Variants in GOLGA1 observed in about 807,000 individuals in gnomAD.
GOLGA1 encodes golgin subfamily A member 1.
GOLGA1 carries 63 observed loss-of-function variants against 119.7 expected under a neutral mutation model. The observed-to-expected ratio is 0.53, with a 90% confidence interval of 0.43 to 0.65. The LOEUF (loss-of-function observed/expected upper bound fraction) is 0.65. Among genes scored for constraint, GOLGA1 ranks in the 30% least tolerant of loss-of-function variants. GOLGA1 has a pLI of 0.00. For missense variants in GOLGA1, 798 were observed against 912.8 expected (o/e 0.87, Z 1.62); for synonymous variants, 318 against 333.4 (o/e 0.95, Z 0.50).
chr9:124,900,136 G>A (rs1036878355), intron 13 of GOLGA1: 14 of 245,846 alleles, frequency 5.7e-5, no homozygotes, highest in South Asian at 2.8e-4. Flanking sequence ...TGTTCTCCCC[G>A]CCCCTGATTG....
chr9:124,880,690 G>C (rs566469780), intron 22 of GOLGA1, 80 bp from the exon 23 acceptor site: 2 of 859,636 alleles, frequency 2.3e-6, no homozygotes, highest in Non-Finnish European at 2.0e-6. Flanking sequence ...CTCCCCTCCC[G>C]TGAGCCTGTC....
At chr9:124,889,330 A>G (rs1196843524) in intron 17 of GOLGA1, 27 bp from the exon 18 acceptor site, 1 of 1,611,050 alleles carries the variant, frequency 6.2e-7, no homozygotes, top group Non-Finnish European at 8.5e-7. Flanking sequence ...GGGAGGGGGC[A>G]CTGTGAGCCC....
chr9:124,895,100 G>GA (rs1829936931), intron 15 of GOLGA1, among the ~76,000 whole-genome samples: 1 of 143,028 alleles, frequency 7.0e-6, no homozygotes, highest in African/African-American at 2.7e-5. Flanking sequence ...CCACAACAGA[G>GA]ACCCTCCACA....
intron 11 of GOLGA1, among the ~76,000 whole-genome samples, chr9:124,910,641 A>G (rs143202162): frequency 1.3e-5 from 2 of 152,250 alleles, no homozygotes; most frequent in South Asian, 2.1e-4. Context: ...GGGGTCCCCA[A>G]CCCTTGGGCC....
intron 7 of GOLGA1, among the ~76,000 whole-genome samples, chr9:124,923,430 C>A (rs1830609875): frequency 1.3e-5 from 2 of 152,102 alleles, no homozygotes; most frequent in African/African-American, 4.8e-5. Context: ...AGCCACCACA[C>A]CCGGCCTGAA....
chr9:124,937,792 C>T (rs2131541913), intron 3 of GOLGA1, among the ~76,000 whole-genome samples: 1 of 151,972 alleles, frequency 6.6e-6, no homozygotes, highest in South Asian at 2.1e-4. Context: ...TAATAAGAAA[C>T]ATATTGTAGG....
chr9:124,929,190 G>A, intron 5 of GOLGA1, 26 bp downstream of exon 5: 2 of 1,409,810 alleles, frequency 1.4e-6, no homozygotes, highest in Non-Finnish European at 2.0e-6. Context: ...TGAAAAGATT[G>A]AAAAAAGCAG....
Position 124,896,063 on chromosome 9 carries a change from A to C in GOLGA1, c.1407+2486T>G, listed in dbSNP as rs577384942. On this transcript the variant is annotated intron_variant, in intron 15 of 22. Coordinates refer to ENST00000373555, the MANE Select transcript of GOLGA1 (RefSeq NM_002077.4). Reference sequence around the variant, plus strand: ...AGGTGGAGAAACTCTGAGTTATACAAACCAAACCTAGGTGTCATCTACAAT... The same window carrying C: ...AGGTGGAGAAACTCTGAGTTATACACACCAAACCTAGGTGTCATCTACAAT... 6.6e-5 allele frequency among the ~76,000 whole-genome samples: 10 copies of C among 152,366 alleles called. 1 individual carries two copies. The highest frequency in any genetic ancestry group is 2.4e-4 in the African/African-American group (10 of 41,592).
At position 124,880,549 on chromosome 9, in the gene GOLGA1, G is replaced by C. The variant is rs1829551471; in HGVS notation, c.2285C>G (p.Pro762Arg). The change falls in exon 23 of 23, where the codon CCT (proline) becomes CGT (arginine). Residue 762 changes from proline to arginine, a missense_variant. Transcript: ENST00000373555. ...TCCCCTCTAGGACCATGGTATCCGA[G>C]GGTTTGAGATAGACGGCCGGATGCT... ...KGSIRPSISNPRIPWS is the reference protein window; with the variant it reads ...KGSIRPSISNRRIPWS The C allele has an allele frequency of 6.2e-7, 1 of 1,605,132 alleles. No individual in the cohort carries two copies. The highest frequency in any genetic ancestry group is 1.3e-5 in the African/African-American group (1 of 74,858).
Position 124,938,846 on chromosome 9 carries a change from G to A in GOLGA1, c.-135C>T. ...GCATTCCCACTTAAATGTGGGCCAA[G>A]GGCTTATGGCAACACAGGATCTACA... On this transcript the variant is annotated 5_prime_UTR_variant, in exon 3 of 23. Coordinates refer to ENST00000373555, the MANE Select transcript of GOLGA1 (RefSeq NM_002077.4). 1 of 627,570 alleles carries A rather than the reference G, an allele frequency of 1.6e-6. No individual in the cohort carries two copies. The highest frequency in any genetic ancestry group is 2.4e-5 in the South Asian group (1 of 40,854). 38.9% of individuals were successfully genotyped at this position (627,570 alleles called of 1,614,324 possible).
intron 3 of GOLGA1, among the ~76,000 whole-genome samples, 190 bp from the exon 4 acceptor site, chr9:124,931,596 G>C: frequency 6.6e-6 from 1 of 152,310 alleles, no homozygotes; most frequent in East Asian, 1.9e-4. Context: ...GTGAAGGAGA[G>C]AGGAGATGCT....
intron 15 of GOLGA1, among the ~76,000 whole-genome samples, chr9:124,895,710 C>G (rs1030232510): frequency 1.3e-5 from 2 of 151,542 alleles, no homozygotes; most frequent in African/African-American, 2.4e-5. Context: ...CAACACAGAA[C>G]CCTCCACAAC....
At chr9:124,890,676 C>T (rs565867185) in intron 15 of GOLGA1, among the ~76,000 whole-genome samples, 198 bp from the exon 16 acceptor site, 3 of 152,106 alleles carry the variant, frequency 2.0e-5, no homozygotes, top group Non-Finnish European at 4.4e-5. Context: ...GGCAACCCAC[C>T]GACTTCTCTG....
In GOLGA1 at chr9:124,908,355, A is replaced by G. The variant is rs1830272616; in HGVS notation, c.1065+22T>C. ...CCAGGTTACCACCCAAACTTAGGAA[A>G]CACCAGGAGTAAGGTCAGTACCCGA... is the stretch of plus-strand genomic sequence containing the variant. On this transcript the variant is annotated intron_variant, in intron 12 of 22. Coordinates refer to ENST00000373555, the MANE Select transcript of GOLGA1 (RefSeq NM_002077.4). The G allele has an allele frequency of 3.0e-6, 4 of 1,327,588 alleles. No homozygotes were observed. The East Asian group carries it at 9.2e-5, about 30-fold the overall frequency. The allele number at this position is 1,327,588 out of a possible 1,614,324, so 82.2% of individuals were successfully genotyped here.
At chr9:124,918,573 G>C (rs1479341826) in intron 10 of GOLGA1, among the ~76,000 whole-genome samples, 1 of 152,074 alleles carries the variant, frequency 6.6e-6, no homozygotes, top group Non-Finnish European at 1.5e-5. Flanking sequence ...AGACCAGCCT[G>C]GCCAACATGG....
intron 12 of GOLGA1, among the ~76,000 whole-genome samples, chr9:124,901,200 T>C (rs1259445125): frequency 6.6e-6 from 1 of 151,890 alleles, no homozygotes; most frequent in Non-Finnish European, 1.5e-5. Context: ...CTTGATCTCC[T>C]GACCTCGTGA....
In GOLGA1 at chr9:124,889,204, T is replaced by C; in HGVS notation, c.1700A>G (p.Glu567Gly). 2 of 1,612,564 alleles carry C rather than the reference T, an allele frequency of 1.2e-6. No individual in the cohort carries two copies. The highest frequency in any genetic ancestry group is 1.7e-6 in the Non-Finnish European group (2 of 1,179,526). The change falls in exon 18 of 23, where the codon GAG (glutamate) becomes GGG (glycine). Residue 567 changes from glutamate (E) to glycine (G), a missense_variant. Glu to Gly is a moderately conservative substitution (Grantham distance 98). Transcript: ENST00000373555. ...AEEAAVVAEQ[E>G]DLLRLRGPLQ... ...TGGGCCCCGCAGCCTCAGCAGGTCC[T>C]CCTGCTCCGCGACCACTGCAGCCTC... is the stretch of plus-strand genomic sequence containing the variant.
intron 16 of GOLGA1, 63 bp from the exon 17 acceptor site, chr9:124,889,599 TCTC>T: frequency 1.9e-6 from 2 of 1,074,048 alleles, no homozygotes; most frequent in Admixed American, 3.4e-5. Context: ...CCCACAGAAA[TCTC>T]CACTTCCCCG....
Position 124,879,409 on chromosome 9 carries a change from G to A in GOLGA1, c.*1121C>T, listed in dbSNP as rs889511011. The A allele has an allele frequency of 6.6e-6, 1 of 152,014 alleles. No homozygotes were observed. Among genetic ancestry groups the A allele is most frequent in the Non-Finnish European group, 1.5e-5 (1 of 68,020 alleles). 9.4% of individuals were successfully genotyped at this position (152,014 alleles called of 1,614,324 possible). On this transcript the variant is annotated 3_prime_UTR_variant, in exon 23 of 23. Transcript: ENST00000373555. Reference sequence around the variant, plus strand: ...GCTGCAGCCAGCTGGGCGCCGTCTGGGTGTAGTGTCATTTTAAGTATTTGG... The same window carrying A: ...GCTGCAGCCAGCTGGGCGCCGTCTGAGTGTAGTGTCATTTTAAGTATTTGG...
Sources: allele counts gnomAD v4.1 joint callset (sites outside exome capture counted in the v4.1 genomes callset), GRCh38; gene constraint gnomAD v4.1.1; transcripts MANE v1.5; gene names NCBI Gene and HGNC (gene_info 2026-07-23, HGNC 2026-07-21).